The following CLCN3 variants were observed in gnomAD, a reference collection of about 807,000 sequenced individuals.
CLCN3 encodes the protein Cl-/H+ antiporter 3.
Under a neutral mutation model 83.4 loss-of-function variants are expected in CLCN3, and 16 were observed. That is an observed-to-expected ratio of 0.19 (90% CI 0.13 to 0.29). The LOEUF (loss-of-function observed/expected upper bound fraction) is 0.29. Among genes scored for constraint, CLCN3 ranks in the 10% least tolerant of loss-of-function variants. The pLI is 1.00. For missense variants in CLCN3, 544 were observed against 1,006.0 expected (o/e 0.54, Z 6.21); for synonymous variants, 322 against 346.2 (o/e 0.93, Z 0.78).
chr4:169,625,775 C>A (rs1049931140), intron 1 of CLCN3, among the ~76,000 whole-genome samples: 1 of 152,192 alleles, frequency 6.6e-6, no homozygotes, highest in African/African-American at 2.4e-5. Flanking sequence ...TTCAAACTCT[C>A]TCTGCTTCTC....
At chr4:169,692,423 A>T (rs1309521022) in intron 7 of CLCN3, 103 bp downstream of exon 7, 5 of 515,310 alleles carry the variant, frequency 9.7e-6, no homozygotes, top group Middle Eastern at 5.9e-4. Context: ...CTGTATTCAG[A>T]TAAAAAATTT....
Position 169,715,577 on chromosome 4 carries a change from T to C in CLCN3, c.2366+2282T>C, listed in dbSNP as rs534544637. Among the ~76,000 whole-genome samples the C allele has an allele frequency of 3.3e-5, 5 of 152,268 alleles. No homozygotes were observed. The South Asian group carries it at 1.0e-3, about 32-fold the overall frequency. ...TTAAAGGAGACCATGAAGTTCTGCA[T>C]AGCTATCATTGATGTGTAGTTCATA... On this transcript the variant is annotated intron_variant, in intron 12 of 12. Transcript: ENST00000513761.
intron 1 of CLCN3, among the ~76,000 whole-genome samples, chr4:169,624,142 C>CT (rs549474531): frequency 4.0e-5 from 6 of 151,372 alleles, no homozygotes; most frequent in African/African-American, 9.7e-5. Flanking sequence ...ATAGTAGTGA[C>CT]TTTTTTTTTG....
chr4:169,637,903 A>G (rs1476242435), intron 2 of CLCN3, among the ~76,000 whole-genome samples: 5 of 152,152 alleles, frequency 3.3e-5, no homozygotes, highest in Non-Finnish European at 7.4e-5. Flanking sequence ...TCAAGTGGCT[A>G]TATTTTTGTA....
intron 9 of CLCN3, among the ~76,000 whole-genome samples, chr4:169,699,136 C>T (rs1173064078): frequency 1.3e-5 from 2 of 152,138 alleles, no homozygotes; most frequent in African/African-American, 2.4e-5. Flanking sequence ...AAGTTATGGA[C>T]ATCTTTGATG....
At chr4:169,650,469 T>A (rs1730700628) in intron 2 of CLCN3, among the ~76,000 whole-genome samples, 1 of 152,228 alleles carries the variant, frequency 6.6e-6, no homozygotes, top group Non-Finnish European at 1.5e-5. Flanking sequence ...TTGGTAGTAT[T>A]CTAATGAGTA....
intron 1 of CLCN3, among the ~76,000 whole-genome samples, chr4:169,629,416 G>T (rs1296548552): frequency 3.9e-5 from 6 of 151,944 alleles, no homozygotes; most frequent in African/African-American, 1.5e-4. Flanking sequence ...GCCCAGGCTG[G>T]AGTGCAGTGA....
At chr4:169,719,883 G>A (rs1289352639) in intron 12 of CLCN3, 24 bp from the exon 13 acceptor site, 2 of 1,575,978 alleles carry the variant, frequency 1.3e-6, no homozygotes, top group Non-Finnish European at 1.7e-6. Flanking sequence ...TATTTCATAG[G>A]AGTCTTCTGT....
chr4:169,716,244 C>T (rs1453485635), intron 12 of CLCN3, among the ~76,000 whole-genome samples: 1 of 152,056 alleles, frequency 6.6e-6, no homozygotes, highest in African/African-American at 2.4e-5. Context: ...TGTGTTTCTC[C>T]ATCTTTTAGG....
At chr4:169,658,076 G>T (rs1020763043) in intron 2 of CLCN3, among the ~76,000 whole-genome samples, 2 of 151,912 alleles carry the variant, frequency 1.3e-5, no homozygotes, top group Non-Finnish European at 2.9e-5. Context: ...AGATTTTTAG[G>T]TTTATTATTA....
In CLCN3 at chr4:169,720,310, C is replaced by A; in HGVS notation, c.*313C>A. ...TGTGCCTGATAGTGCAGGCTTGCGC[C>A]TCAACAGAGATGACAGCAGAGTCCT... On this transcript the variant is annotated 3_prime_UTR_variant, in exon 13 of 13. Coordinates refer to ENST00000513761, the MANE Select transcript of CLCN3 (RefSeq NM_001829.4). The A allele has an allele frequency of 2.6e-6, 1 of 379,048 alleles. No homozygotes were observed. The highest frequency in any genetic ancestry group is 4.7e-6 in the Non-Finnish European group (1 of 212,184). 23.5% of individuals were successfully genotyped at this position (379,048 alleles called of 1,614,324 possible). A position where few individuals can be genotyped will look rare whatever the true frequency, so the allele number is the denominator to read the frequency against.
rs1243155372 is a variant in CLCN3, at chr4:169,720,971, T to C, written c.*974T>C. ...TGTTGAGCATAATTAAATAAAATGC[T>C]GCTGCTTTGACAGTAAAGAGAAGGA... On this transcript the variant is annotated 3_prime_UTR_variant, in exon 13 of 13. Transcript: ENST00000513761. 6.5e-6 allele frequency: 1 copy of C among 152,690 alleles called. No individual in the cohort carries two copies. The highest frequency in any genetic ancestry group is 2.4e-5 in the African/African-American group (1 of 41,474). 9.5% of individuals were successfully genotyped at this position (152,690 alleles called of 1,614,324 possible). A position where few individuals can be genotyped will look rare whatever the true frequency, so the allele number is the denominator to read the frequency against.
chr4:169,640,026 A>G (rs1294440774), intron 2 of CLCN3, among the ~76,000 whole-genome samples: 1 of 152,192 alleles, frequency 6.6e-6, no homozygotes, highest in East Asian at 1.9e-4. Context: ...CTCCTAAATA[A>G]TAAAGTCTTT....
intron 1 of CLCN3, among the ~76,000 whole-genome samples, chr4:169,623,190 A>G (rs1773149395): frequency 1.3e-5 from 2 of 152,148 alleles, no homozygotes; most frequent in African/African-American, 2.4e-5. Context: ...AAAATCATGA[A>G]GACTATTTAG....
At chr4:169,707,291 G>C in intron 11 of CLCN3, 25 bp downstream of exon 11, 1 of 1,472,668 alleles carries the variant, frequency 6.8e-7, no homozygotes, top group South Asian at 1.4e-5. Context: ...ATATATATAT[G>C]TATATATGAG....
intron 1 of CLCN3, among the ~76,000 whole-genome samples, chr4:169,632,716 CAAAAA>C (rs559919032): frequency 1.2e-4 from 4 of 32,280 alleles, no homozygotes; most frequent in Non-Finnish European, 2.2e-4. Context: ...GACTCCATCT[CAAAAA>C]AAAAAAAAAA....
At chr4:169,687,195 G>A (rs909678342) in intron 3 of CLCN3, among the ~76,000 whole-genome samples, 3 of 152,120 alleles carry the variant, frequency 2.0e-5, no homozygotes, top group African/African-American at 7.2e-5. Flanking sequence ...TGTACCAATT[G>A]AGGTTCAAAT....
chr4:169,698,881 G>C (rs1560866906), intron 9 of CLCN3, among the ~76,000 whole-genome samples: 1 of 152,134 alleles, frequency 6.6e-6, no homozygotes, highest in African/African-American at 2.4e-5. Flanking sequence ...TTGGCTCCTG[G>C]CTGTCTATTT....
rs766293625 is a variant in CLCN3 at position 169,707,271 on chromosome 4, C to T, written c.2149+5C>T. On this transcript the variant is annotated splice_donor_5th_base_variant and intron_variant, in intron 11 of 12. Transcript: ENST00000513761. Reference sequence around the variant, plus strand: ...GAGACCTGACAATTGCAATAGGTACCCTTTCAAAAATATATATATGTATAT... The same window carrying T: ...GAGACCTGACAATTGCAATAGGTACTCTTTCAAAAATATATATATGTATAT... The T allele has an allele frequency of 1.3e-6, 2 of 1,575,126 alleles. No individual in the cohort carries two copies. The highest frequency in any genetic ancestry group is 1.2e-5 in the South Asian group (1 of 85,110).
Sources: allele counts gnomAD v4.1 joint callset (sites outside exome capture counted in the v4.1 genomes callset), GRCh38; gene constraint gnomAD v4.1.1; transcripts MANE v1.5; gene names NCBI Gene and HGNC (gene_info 2026-07-23, HGNC 2026-07-21).